JAK1: variants seen among roughly 807,000 people sequenced by gnomAD.
JAK1 encodes Janus kinase 1.
In JAK1, 16 loss-of-function variants were observed where a neutral mutation model predicts 136.6. The observed-to-expected ratio is 0.12, with a 90% CI of 0.08 to 0.18. The LOEUF (loss-of-function observed/expected upper bound fraction) is 0.18. Among genes scored for constraint, JAK1 ranks in the 10% least tolerant of loss-of-function variants. The pLI is 1.00. For missense variants in JAK1, 859 were observed against 1,450.1 expected, an observed-to-expected ratio of 0.59 and a Z score of 6.62; for synonymous variants, 492 against 519.5, an observed-to-expected ratio of 0.95 and a Z score of 0.72.
At chr1:64,834,868 G>A (rs1004290072) in intron 24 of JAK1, among the ~76,000 whole-genome samples, 1 of 152,148 alleles carries the variant, frequency 6.6e-6, no homozygotes, top group Non-Finnish European at 1.5e-5. Context: ...AGAAGCTCAA[G>A]GGTTGACTGG....
rs201413503 is a variant in JAK1 at position 64,948,940 on chromosome 1, G to GA, written c.-78+17392dup. Among the ~76,000 whole-genome samples the GA allele has an allele frequency of 3.9e-3, 588 of 152,228 alleles. 9 individuals carry two copies. The highest frequency in any genetic ancestry group is 0.013 in the African/African-American group (522 of 41,524). On this transcript the variant is annotated intron_variant, in intron 1 of 24. Transcript: ENST00000342505. ...TCTCTAAGGCTGTATATTCACCAAG[G>GA]AATCTACAGAACTTACTGTCCTAGA...
chr1:65,009,331 AC>A (rs1326200378), intron 2 of JAK1, among the ~76,000 whole-genome samples: 1 of 152,216 alleles, frequency 6.6e-6, no homozygotes, highest in Non-Finnish European at 1.5e-5. Context: ...TTCTAAAAAA[AC>A]ATTCATGAAA....
At chr1:64,858,869 G>A (rs1397971792) in intron 9 of JAK1, among the ~76,000 whole-genome samples, 1 of 152,198 alleles carries the variant, frequency 6.6e-6, no homozygotes, top group Non-Finnish European at 1.5e-5. Flanking sequence ...ATATAAGGTG[G>A]TCAAGGAAGA....
chr1:64,956,433 A>G (rs986971996), intron 1 of JAK1, among the ~76,000 whole-genome samples: 1 of 152,192 alleles, frequency 6.6e-6, no homozygotes, highest in African/African-American at 2.4e-5. Flanking sequence ...CATTTTTCTT[A>G]CAGATCATTG....
chr1:64,926,806 C>G (rs1377665703), intron 1 of JAK1, among the ~76,000 whole-genome samples: 1 of 152,182 alleles, frequency 6.6e-6, no homozygotes, highest in Non-Finnish European at 1.5e-5. Context: ...GCTGGGAAAT[C>G]CTGGGTAAGT....
rs1042880903 is a variant in JAK1, at chr1:64,912,010, C to A, written c.-77-25669G>T. On this transcript the variant is annotated intron_variant, in intron 1 of 24. Coordinates refer to ENST00000342505, the MANE Select transcript of JAK1 (RefSeq NM_002227.4). Reference sequence around the variant, plus strand: ...TTCTGACCCCTATGTCATCATCTGCCTTACATTAAATAGCAAATGATCAGG... The same window carrying A: ...TTCTGACCCCTATGTCATCATCTGCATTACATTAAATAGCAAATGATCAGG... 2.0e-5 allele frequency among the ~76,000 whole-genome samples: 3 copies of A among 152,148 alleles called. No homozygotes were observed. In the East Asian group the frequency reaches 5.8e-4, roughly 29 times the overall value.
At chr1:65,005,992 A>C (rs1200511854) in intron 2 of JAK1, among the ~76,000 whole-genome samples, 1 of 152,210 alleles carries the variant, frequency 6.6e-6, no homozygotes, top group African/African-American at 2.4e-5. Context: ...AGTCACACCC[A>C]TTTTAGGACA....
chr1:64,970,676 A>G (rs1170491102), upstream of JAK1, among the ~76,000 whole-genome samples: 1 of 151,608 alleles, frequency 6.6e-6, no homozygotes, highest in Non-Finnish European at 1.5e-5. Flanking sequence ...AGGCACGAGA[A>G]CCGCTTGAAC....
chr1:65,051,218 G>A (rs1647275327), intron 1 of JAK1, among the ~76,000 whole-genome samples: 1 of 151,174 alleles, frequency 6.6e-6, no homozygotes, highest in Non-Finnish European at 1.5e-5. Context: ...AGTGAATGAT[G>A]ATAAGTGGAA....
intron 2 of JAK1, among the ~76,000 whole-genome samples, chr1:65,038,410 G>A (rs1647097485): frequency 1.3e-5 from 2 of 151,646 alleles, no homozygotes; most frequent in African/African-American, 4.9e-5. Context: ...TGTTGGTCAG[G>A]CTGGTCTGGA....
intron 2 of JAK1, among the ~76,000 whole-genome samples, chr1:65,013,713 G>A (rs1038432182): frequency 2.6e-5 from 4 of 152,106 alleles, no homozygotes; most frequent in Non-Finnish European, 5.9e-5. Context: ...GGGCCTCAAT[G>A]TATTTACACA....
chr1:64,845,144 G>C lies in JAK1; in HGVS notation c.2116-255C>G, dbSNP rs535281955. Among the ~76,000 whole-genome samples, 3 of 152,302 alleles carry C rather than the reference G, an allele frequency of 2.0e-5. No homozygotes were observed. The South Asian group carries it at 6.2e-4, about 32-fold the overall frequency. ...GAGCATGATACTGATTAGAATCTGT[G>C]AAACGCCTGAACAGCTGACCCATGG... is the stretch of plus-strand genomic sequence containing the variant. On this transcript the variant is annotated intron_variant, in intron 15 of 24. Coordinates refer to ENST00000342505, the MANE Select transcript of JAK1 (RefSeq NM_002227.4).
In JAK1 at chr1:64,873,450, T is replaced by C; in HGVS notation, c.403A>G (p.Lys135Glu). Residue 135 changes from lysine to glutamate, a missense_variant, in exon 5 of 25, where the codon AAA becomes GAA. This residue lies in a region of JAK1 where 353 missense variants were observed against 494.0 expected (regional missense o/e 0.71). Transcript: ENST00000342505. Reference sequence around the variant, plus strand: ...ATCTTTTTTTTCTCGTAGCCATTTTTCTGCTTCTTTGGAGAATGACGCCAC... The same window carrying C: ...ATCTTTTTTTTCTCGTAGCCATTTTCCTGCTTCTTTGGAGAATGACGCCAC... ...SVWRHSPKKQ[K>E]NGYEKKKIPD... The C allele has an allele frequency of 6.2e-7, 1 of 1,614,220 alleles. No homozygotes were observed. The highest frequency in any genetic ancestry group is 8.5e-7 in the Non-Finnish European group (1 of 1,180,042).
At chr1:64,995,508 G>A (rs999807534) in intron 2 of JAK1, among the ~76,000 whole-genome samples, 58 of 152,208 alleles carry the variant, frequency 3.8e-4, no homozygotes, top group African/African-American at 5.1e-4. Flanking sequence ...GCCTGTGCAC[G>A]TTTTTTGTTT....
intron 2 of JAK1, among the ~76,000 whole-genome samples, chr1:65,032,596 A>C (rs1647033626): frequency 6.6e-6 from 1 of 152,226 alleles, no homozygotes; most frequent in Non-Finnish European, 1.5e-5. Flanking sequence ...TATTTTCTTA[A>C]CCTTGATGTT....
chr1:64,847,719 A>G, intron 12 of JAK1, 44 bp from the exon 13 acceptor site: 2 of 1,604,096 alleles, frequency 1.2e-6, no homozygotes, highest in South Asian at 2.2e-5. Flanking sequence ...CTGTGCCCTG[A>G]AGTGATGGAC....
intron 2 of JAK1, among the ~76,000 whole-genome samples, chr1:65,032,280 A>G (rs569778416): frequency 1.3e-5 from 2 of 152,212 alleles, no homozygotes; most frequent in African/African-American, 4.8e-5. Context: ...TTTTTCTTTG[A>G]AGCTTTGAAT....
intron 1 of JAK1, among the ~76,000 whole-genome samples, chr1:65,045,215 G>A (rs1037451671): frequency 8.5e-5 from 13 of 152,236 alleles, no homozygotes; most frequent in Admixed American, 8.5e-4. Flanking sequence ...TCTAATAACT[G>A]CAGCGGACTT....
chr1:64,969,120 A>AAAAT (rs1646427455), upstream of JAK1, among the ~76,000 whole-genome samples: 2 of 151,986 alleles, frequency 1.3e-5, no homozygotes, highest in African/African-American at 4.8e-5. Context: ...TTAAAAAAAA[A>AAAAT]AAATAAGTAT....
Sources: allele counts gnomAD v4.1 joint callset (sites outside exome capture counted in the v4.1 genomes callset), GRCh38; gene constraint gnomAD v4.1.1; regional missense constraint gnomAD v4.1.1; transcripts MANE v1.5; gene names NCBI Gene and HGNC (gene_info 2026-07-23, HGNC 2026-07-21).